PCDHB3: variants seen among roughly 807,000 people sequenced by gnomAD.
The protein encoded by PCDHB3 is protocadherin beta-3.
For synonymous variants in PCDHB3, 479 were observed against 456.0 expected (o/e 1.05, Z -0.64); for missense variants, 967 against 1,012.1 (o/e 0.96, Z 0.60).
At position 141,102,746 on chromosome 5, in the gene PCDHB3, G is replaced by A. The variant is rs1328549301; in HGVS notation, c.2097G>A (p.Ser699=). The A allele has an allele frequency of 5.0e-6, 8 of 1,611,990 alleles. No homozygotes were observed. In the African/African-American group the frequency reaches 8.0e-5, roughly 16 times the overall value. The change falls in exon 1 of 1, where the codon TCG becomes TCA. Residue 699 remains serine, a synonymous_variant. Transcript: ENST00000231130. ...TGGTGGCATTGGCCTCGGTGTCTTC[G>A]CTCTTCCTCTTTTCGGTGCTCCTGT... ...YLVVALASVS[S]LFLFSVLLFV...
rs782590457 is a variant in PCDHB3, at chr5:141,102,356, C to G, written c.1707C>G (p.Ser569=). The G allele has an allele frequency of 2.2e-5, 36 of 1,611,068 alleles. No homozygotes were observed. Among genetic ancestry groups the G allele is most frequent in the Admixed American group, 5.0e-5 (3 of 59,968 alleles). ...PFVLYPLQNG[S]APCTELVPRA... is the part of the protein sequence containing the mutation. ...TGCTGTACCCGCTGCAGAACGGCTC[C>G]GCGCCCTGCACCGAGCTGGTGCCCC... The change falls in exon 1 of 1, where the codon TCC becomes TCG. Residue 569 remains serine, a synonymous_variant. Transcript: ENST00000231130.
chr5:141,102,080 C>T lies in PCDHB3; in HGVS notation c.1431C>T (p.Asp477=). ...ACATCGGCAGTGTCAGCGCCACAGA[C>T]AGAGACTCAGGCACCAACGCCCAGG... The part of the protein sequence containing the change: ...ALHIGSVSAT[D]RDSGTNAQVT... Residue 477 remains aspartate, a synonymous_variant, in exon 1 of 1, where the codon GAC becomes GAT. Coordinates refer to ENST00000231130, the MANE Select transcript of PCDHB3 (RefSeq NM_018937.5). 2.5e-6 allele frequency: 4 copies of T among 1,612,922 alleles called. No individual in the cohort carries two copies. The East Asian group carries it at 6.7e-5, about 27-fold the overall frequency.
At position 141,101,913 on chromosome 5, in the gene PCDHB3, A is replaced by G; in HGVS notation, c.1264A>G (p.Thr422Ala). 1 of 1,614,064 alleles carries G rather than the reference A, an allele frequency of 6.2e-7. No homozygotes were observed. The highest frequency in any genetic ancestry group is 8.5e-7 in the Non-Finnish European group (1 of 1,180,008). Residue 422 changes from threonine (T) to alanine (A), a missense_variant, in exon 1 of 1, where the codon ACT (threonine) becomes GCT (alanine). Physicochemically the swap from Thr to Ala is moderately conservative, Grantham distance 58. Transcript: ENST00000231130. Reference protein sequence around the residue: ...ETRSEYNITITITDLGTPRLK... With the variant: ...ETRSEYNITIAITDLGTPRLK... ...CAGATCCGAGTACAACATTACCATC[A>G]CTATCACTGACCTGGGGACACCCAG...
At position 141,103,502 on chromosome 5, in the gene PCDHB3, C is replaced by T. The variant is rs1554272784; in HGVS notation, c.*462C>T. 1 of 154,246 alleles carries T rather than the reference C, an allele frequency of 6.5e-6. No homozygotes were observed. Among genetic ancestry groups the T allele is most frequent in the Non-Finnish European group, 1.4e-5 (1 of 69,548 alleles). The allele number at this position is 154,246 out of a possible 1,614,324, so 9.6% of individuals were successfully genotyped here. On this transcript the variant is annotated 3_prime_UTR_variant, in exon 1 of 1. Coordinates refer to ENST00000231130, the MANE Select transcript of PCDHB3 (RefSeq NM_018937.5). Reference sequence around the variant, plus strand: ...CCAAACCACCAATTTTATAATTTCCCTTGTTGAATATATTCATATAATGTG... The same window carrying T: ...CCAAACCACCAATTTTATAATTTCCTTTGTTGAATATATTCATATAATGTG...
rs782591146 is a variant in PCDHB3 at position 141,100,937 on chromosome 5, C to T, written c.288C>T (p.Cys96=). The T allele has an allele frequency of 4.3e-6, 7 of 1,614,042 alleles. No homozygotes were observed. The highest frequency in any genetic ancestry group is 5.9e-6 in the Non-Finnish European group (7 of 1,180,010). ...LNEKLDREEL[C]GPTEPCILHF... is the part of the protein sequence containing the mutation. ...AGAAATTGGACCGGGAGGAGCTATG[C>T]GGCCCCACAGAACCATGCATACTAC... The change falls in exon 1 of 1, where the codon TGC becomes TGT. Residue 96 remains cysteine, a synonymous_variant. Coordinates refer to ENST00000231130, the MANE Select transcript of PCDHB3 (RefSeq NM_018937.5).
In PCDHB3 at chr5:141,102,521, G is replaced by A. The variant is rs142191548; in HGVS notation, c.1872G>A (p.Val624=). 3.7e-6 allele frequency: 6 copies of A among 1,608,590 alleles called. No homozygotes were observed. Among genetic ancestry groups the A allele is most frequent in the East Asian group, 2.2e-5 (1 of 44,864 alleles). Residue 624 remains valine, a synonymous_variant, in exon 1 of 1, where the codon GTG becomes GTA. Transcript: ENST00000231130. ...GCGTGTGGGCGCACAATGGCGAAGTGCGCACCGCCAGGCTGCTGAGCGAGC... is the reference window on the plus strand; with the variant it reads ...GCGTGTGGGCGCACAATGGCGAAGTACGCACCGCCAGGCTGCTGAGCGAGC... ...LFGVWAHNGE[V]RTARLLSERD...
In PCDHB3 at chr5:141,102,523, G is replaced by C. The variant is rs1554272599; in HGVS notation, c.1874G>C (p.Arg625Pro). 7 of 1,608,432 alleles carry C rather than the reference G, an allele frequency of 4.4e-6. No individual in the cohort carries two copies. In the South Asian group the frequency reaches 6.6e-5, roughly 15 times the overall value. ...FGVWAHNGEV[R>P]TARLLSERDA... ...GTGTGGGCGCACAATGGCGAAGTGC[G>C]CACCGCCAGGCTGCTGAGCGAGCGC... is the stretch of plus-strand genomic sequence containing the variant. Residue 625 changes from arginine (R) to proline (P), a missense_variant, in exon 1 of 1, where the codon CGC becomes CCC. Transcript: ENST00000231130.
Position 141,103,062 on chromosome 5 carries a change from G to C in PCDHB3, c.*22G>C, listed in dbSNP as rs1245401702. ...TTAAGTGTTAATAAGGATCTACTGA[G>C]CCTCGTCTTAGTTAATCTGTGGAAA... On this transcript the variant is annotated 3_prime_UTR_variant, in exon 1 of 1. Coordinates refer to ENST00000231130, the MANE Select transcript of PCDHB3 (RefSeq NM_018937.5). 2.3e-5 allele frequency: 36 copies of C among 1,584,224 alleles called. No homozygotes were observed. The highest frequency in any genetic ancestry group is 3.1e-5 in the Non-Finnish European group (36 of 1,165,498).
In PCDHB3 at chr5:141,101,648, C is replaced by CAT; in HGVS notation, c.1001_1002dup (p.Val335Ter). 1.2e-6 allele frequency: 2 copies of CAT among 1,614,108 alleles called. No homozygotes were observed. Among genetic ancestry groups the CAT allele is most frequent in the Non-Finnish European group, 1.7e-6 (2 of 1,180,044 alleles). ...GAGGCCTATCCGGAAAGTCTACAGT[C>CAT]ATAGTCCAGGTGGTTGATGTCAACG... is the stretch of plus-strand genomic sequence containing the variant. On this transcript the variant is annotated frameshift_variant, in exon 1 of 1. Transcript: ENST00000231130. LOFTEE classifies it low-confidence loss of function (END_TRUNC).
At position 141,100,882 on chromosome 5, in the gene PCDHB3, G is replaced by A; in HGVS notation, c.233G>A (p.Ser78Asn). 1 of 1,614,130 alleles carries A rather than the reference G, an allele frequency of 6.2e-7. No individual in the cohort carries two copies. The highest frequency in any genetic ancestry group is 2.2e-5 in the East Asian group (1 of 44,880). ...GGGAACAAACAGCATTTTCAGCTCAGTCATCAGACAGGTGATTTGCTCCTG... is the reference window on the plus strand; with the variant it reads ...GGGAACAAACAGCATTTTCAGCTCAATCATCAGACAGGTGATTTGCTCCTG... ...SKGNKQHFQL[S>N]HQTGDLLLNE... Residue 78 changes from serine to asparagine, a missense_variant, in exon 1 of 1, where the codon AGT (serine) becomes AAT (asparagine). Physicochemically the swap from Ser to Asn is conservative, Grantham distance 46. Transcript: ENST00000231130.
At position 141,102,372 on chromosome 5, in the gene PCDHB3, C is replaced by G; in HGVS notation, c.1723C>G (p.Leu575Val). The change falls in exon 1 of 1, where the codon CTG becomes GTG. Residue 575 changes from leucine (L) to valine (V), a missense_variant. Coordinates refer to ENST00000231130, the MANE Select transcript of PCDHB3 (RefSeq NM_018937.5). ...GAACGGCTCCGCGCCCTGCACCGAG[C>G]TGGTGCCCCGGGCGGCTGAGCCGGG... The part of the protein sequence containing the change: ...LQNGSAPCTE[L>V]VPRAAEPGYL... 18 of 1,611,042 alleles carry G rather than the reference C, an allele frequency of 1.1e-5. No individual in the cohort carries two copies. The highest frequency in any genetic ancestry group is 1.4e-5 in the Non-Finnish European group (17 of 1,179,644).
Position 141,100,947 on chromosome 5 carries a change from G to T in PCDHB3, c.298G>T (p.Glu100Ter), listed in dbSNP as rs1554272142. The change falls in exon 1 of 1, where the codon GAA becomes TAA. Residue 100 changes from glutamate (E) to a stop codon, truncating the protein, a stop_gained. Transcript: ENST00000231130. LOFTEE classifies it low-confidence loss of function (END_TRUNC). ...LDREELCGPT[E>*]PCILHFQILL... ...CCGGGAGGAGCTATGCGGCCCCACA[G>T]AACCATGCATACTACATTTTCAGAT... 1 of 1,614,102 alleles carries T rather than the reference G, an allele frequency of 6.2e-7. No individual in the cohort carries two copies. Among genetic ancestry groups the T allele is most frequent in the Admixed American group, 1.7e-5 (1 of 60,026 alleles).
rs781988108 is a variant in PCDHB3, at chr5:141,102,384, G to A, written c.1735G>A (p.Ala579Thr). Reference protein sequence around the residue: ...SAPCTELVPRAAEPGYLVTKV... With the variant: ...SAPCTELVPRTAEPGYLVTKV... ...GCCCTGCACCGAGCTGGTGCCCCGG[G>A]CGGCTGAGCCGGGCTACCTGGTGAC... The change falls in exon 1 of 1, where the codon GCG becomes ACG. Residue 579 changes from alanine to threonine, a missense_variant. By Grantham distance (58) the Ala-to-Thr change is moderately conservative. Transcript: ENST00000231130. The A allele has an allele frequency of 1.3e-6, 2 of 1,570,972 alleles. No homozygotes were observed. The highest frequency in any genetic ancestry group is 2.2e-5 in the South Asian group (2 of 90,592).
chr5:141,101,413 C>G lies in PCDHB3; in HGVS notation c.764C>G (p.Thr255Ser). 2 of 1,614,188 alleles carry G rather than the reference C, an allele frequency of 1.2e-6. No homozygotes were observed. The highest frequency in any genetic ancestry group is 1.7e-6 in the Non-Finnish European group (2 of 1,180,032). The part of the protein sequence containing the change: ...PLYEVAVLEN[T>S]PVNSVIVTVS... ...TATGAGGTTGCAGTTCTAGAGAATA[C>G]CCCCGTTAACTCTGTCATTGTCACT... The change falls in exon 1 of 1, where the codon ACC becomes AGC. Residue 255 changes from threonine (T) to serine (S), a missense_variant. Thr to Ser is a moderately conservative substitution (Grantham distance 58). Coordinates refer to ENST00000231130, the MANE Select transcript of PCDHB3 (RefSeq NM_018937.5).
Position 141,101,613 on chromosome 5 carries a change from A to C in PCDHB3, c.964A>C (p.Lys322Gln). The change falls in exon 1 of 1, where the codon AAG becomes CAG. Residue 322 changes from lysine to glutamine, a missense_variant. Transcript: ENST00000231130. The stretch of plus-strand genomic sequence containing the variant: ...TAGTTATGAAGTCGACATCGAGGCC[A>C]AGGATGGCGGAGGCCTATCCGGAAA... ...INSYEVDIEA[K>Q]DGGGLSGKST... 1 of 1,614,148 alleles carries C rather than the reference A, an allele frequency of 6.2e-7. No homozygotes were observed. The highest frequency in any genetic ancestry group is 8.5e-7 in the Non-Finnish European group (1 of 1,180,016).
In PCDHB3 at chr5:141,100,862, C is replaced by A. The variant is rs1751919894; in HGVS notation, c.213C>A (p.Asn71Lys). Reference sequence around the variant, plus strand: ...GGGCCCAAGTTGTGTCCAAAGGGAACAAACAGCATTTTCAGCTCAGTCATC... The same window carrying A: ...GGGCCCAAGTTGTGTCCAAAGGGAAAAAACAGCATTTTCAGCTCAGTCATC... Reference protein sequence around the residue: ...ARGAQVVSKGNKQHFQLSHQT... With the variant: ...ARGAQVVSKGKKQHFQLSHQT... The change falls in exon 1 of 1, where the codon AAC becomes AAA. Residue 71 changes from asparagine to lysine, a missense_variant. By Grantham distance (94) the Asn-to-Lys change is moderately conservative. Transcript: ENST00000231130. 10 of 1,614,090 alleles carry A rather than the reference C, an allele frequency of 6.2e-6. No homozygotes were observed. Among genetic ancestry groups the A allele is most frequent in the Non-Finnish European group, 8.5e-6 (10 of 1,179,992 alleles).
At position 141,101,740 on chromosome 5, in the gene PCDHB3, T is replaced by C; in HGVS notation, c.1091T>C (p.Val364Ala). The change falls in exon 1 of 1, where the codon GTA becomes GCA. Residue 364 changes from valine (V) to alanine (A), a missense_variant. Coordinates refer to ENST00000231130, the MANE Select transcript of PCDHB3 (RefSeq NM_018937.5). ...SPIPENSGET[V>A]LAVFSVSDLD... ...ATTCCTGAGAACTCGGGAGAGACTG[T>C]ACTGGCTGTTTTCAGTGTTTCTGAT... The C allele has an allele frequency of 6.2e-7, 1 of 1,614,112 alleles. No homozygotes were observed. Among genetic ancestry groups the C allele is most frequent in the Non-Finnish European group, 8.5e-7 (1 of 1,180,028 alleles).
chr5:141,101,417 C>T lies in PCDHB3; in HGVS notation c.768C>T (p.Pro256=), dbSNP rs781979853. ...AGGTTGCAGTTCTAGAGAATACCCC[C>T]GTTAACTCTGTCATTGTCACTGTCT... ...LYEVAVLENT[P]VNSVIVTVSA... Residue 256 remains proline (P), a synonymous_variant, in exon 1 of 1, where the codon CCC becomes CCT. Transcript: ENST00000231130. The T allele has an allele frequency of 1.2e-6, 2 of 1,614,196 alleles. No homozygotes were observed. Among genetic ancestry groups the T allele is most frequent in the Non-Finnish European group, 1.7e-6 (2 of 1,180,032 alleles).
At position 141,101,971 on chromosome 5, in the gene PCDHB3, T is replaced by G; in HGVS notation, c.1322T>G (p.Val441Gly). 6.2e-7 allele frequency: 1 copy of G among 1,613,474 alleles called. No homozygotes were observed. Among genetic ancestry groups the G allele is most frequent in the African/African-American group, 1.3e-5 (1 of 74,954 alleles). ...LKTKYNITVL[V>G]SDVNDNAPAF... The stretch of plus-strand genomic sequence containing the variant: ...ACCAAGTACAACATAACCGTGCTGG[T>G]CTCCGACGTCAATGACAACGCCCCC... The change falls in exon 1 of 1, where the codon GTC becomes GGC. Residue 441 changes from valine to glycine, a missense_variant. Physicochemically the swap from Val to Gly is moderately radical, Grantham distance 109. Coordinates refer to ENST00000231130, the MANE Select transcript of PCDHB3 (RefSeq NM_018937.5).
Sources: allele counts gnomAD v4.1 joint callset, GRCh38; gene constraint gnomAD v4.1.1; transcripts MANE v1.5; gene names NCBI Gene and HGNC (gene_info 2026-07-23, HGNC 2026-07-21).